The following B4GALT1 variants were observed in gnomAD, a reference collection of about 807,000 sequenced individuals.
The protein encoded by B4GALT1 is beta-1,4-galactosyltransferase 1.
A neutral mutation model predicts 34.9 loss-of-function variants in B4GALT1; 16 were observed. The observed-to-expected ratio is 0.46, with a 90% CI of 0.31 to 0.70. B4GALT1 has a LOEUF of 0.70. Among genes scored for constraint, B4GALT1 ranks in the 30% least tolerant of loss-of-function variants. B4GALT1 has a pLI of 0.05. For missense variants in B4GALT1, 445 were observed against 530.5 expected (o/e 0.84, Z 1.58); for synonymous variants, 221 against 218.1 (o/e 1.01, Z -0.12).
chr9:33,124,010 G>A (rs1840058815), intron 2 of B4GALT1, among the ~76,000 whole-genome samples: 2 of 152,180 alleles, frequency 1.3e-5, no homozygotes, highest in African/African-American at 4.8e-5. Context: ...GCAGTGAGAC[G>A]GAAGGGCATG....
At position 33,143,059 on chromosome 9, in the gene B4GALT1, C is replaced by T. The variant is rs934019633; in HGVS notation, c.413-7635G>A. Among the ~76,000 whole-genome samples the T allele has an allele frequency of 2.4e-4, 36 of 152,252 alleles. 1 individual carries two copies. The highest frequency in any genetic ancestry group is 8.2e-4 in the African/African-American group (34 of 41,544). ...ACCTGGGAGGCTGAGGCAGGAGAAT[C>T]GCTGGAACCTGGGAAGTGGAGGCTG... On this transcript the variant is annotated intron_variant, in intron 1 of 5. Transcript: ENST00000379731.
At chr9:33,148,124 G>A (rs965484707) in intron 1 of B4GALT1, among the ~76,000 whole-genome samples, 1 of 152,120 alleles carries the variant, frequency 6.6e-6, no homozygotes, top group African/African-American at 2.4e-5. Context: ...TATCTAGGAT[G>A]TATAAGGAAT....
chr9:33,145,839 CA>C (rs1283528019), intron 1 of B4GALT1, among the ~76,000 whole-genome samples: 6 of 152,212 alleles, frequency 3.9e-5, no homozygotes, highest in Admixed American at 1.3e-4. Context: ...ATTTAGGGGC[CA>C]GGGGGGCCTT....
At position 33,118,677 on chromosome 9, in the gene B4GALT1, T is replaced by C. The variant is rs373997114; in HGVS notation, c.836+1742A>G. ...AAGCAAGACTCTGTCTCAAAAAAAA[T>C]AAAAGAAAAAGAAAAAAAGTTGTAT... On this transcript the variant is annotated intron_variant, in intron 3 of 5. Transcript: ENST00000379731. Among the ~76,000 whole-genome samples the C allele has an allele frequency of 6.0e-5, 9 of 150,656 alleles. No homozygotes were observed. The South Asian group carries it at 8.4e-4, about 14-fold the overall frequency.
At position 33,161,031 on chromosome 9, in the gene B4GALT1, C is replaced by T. The variant is rs187713084; in HGVS notation, c.412+5727G>A. The stretch of plus-strand genomic sequence containing the variant: ...CTGTGAGGCAAGTCATTCTCTCTCT[C>T]TCTCTCTCTCTCTCTGCCTGGGCTT... On this transcript the variant is annotated intron_variant, in intron 1 of 5. Transcript: ENST00000379731. Among the ~76,000 whole-genome samples the T allele has an allele frequency of 2.2e-4, 34 of 151,850 alleles. No homozygotes were observed. The East Asian group carries it at 6.0e-3, about 27-fold the overall frequency.
At position 33,157,101 on chromosome 9, in the gene B4GALT1, CGGTGTCCAGCATAGGGAACT is replaced by C. The variant is rs139805236; in HGVS notation, c.412+9637_412+9656del. Among the ~76,000 whole-genome samples, 500 of 115,112 alleles carry C rather than the reference CGGTGTCCAGCATAGGGAACT, an allele frequency of 4.3e-3. 40 individuals carry two copies. Among genetic ancestry groups the C allele is most frequent in the East Asian group, 0.016 (57 of 3,634 alleles). The allele number at this position is 115,112 out of a possible 152,430, so 75.5% of individuals were successfully genotyped here. A position where few individuals can be genotyped will look rare whatever the true frequency, so the allele number is the denominator to read the frequency against. On this transcript the variant is annotated intron_variant, in intron 1 of 5. Coordinates refer to ENST00000379731, the MANE Select transcript of B4GALT1 (RefSeq NM_001497.4). ...ACACACACACACACACACACACACA[CGGTGTCCAGCATAGGGAACT>C]ACACACACACACACACACACACACA...
chr9:33,173,619 T>C, the B4GALT1 span, among the ~76,000 whole-genome samples: 1 of 151,624 alleles, frequency 6.6e-6, no homozygotes, highest in South Asian at 2.1e-4. Context: ...TGTGTGTGTG[T>C]GTGTGTGTGT....
intron 1 of B4GALT1, among the ~76,000 whole-genome samples, chr9:33,157,420 C>T (rs1460812697): frequency 6.6e-6 from 1 of 152,112 alleles, no homozygotes. Context: ...TCTAGATTAT[C>T]GACGATAGTG....
At chr9:33,180,343 A>G in the B4GALT1 span, among the ~76,000 whole-genome samples, 3 of 152,198 alleles carry the variant, frequency 2.0e-5, no homozygotes, top group Non-Finnish European at 4.4e-5. Context: ...AAGCAACAGA[A>G]TAGAGCAGGA....
chr9:33,160,798 C>T lies in B4GALT1; in HGVS notation c.412+5960G>A, dbSNP rs1021857239. Among the ~76,000 whole-genome samples the T allele has an allele frequency of 5.9e-5, 9 of 152,074 alleles. 1 individual carries two copies. Among genetic ancestry groups the T allele is most frequent in the Admixed American group, 5.2e-4 (8 of 15,270 alleles). On this transcript the variant is annotated intron_variant, in intron 1 of 5. Coordinates refer to ENST00000379731, the MANE Select transcript of B4GALT1 (RefSeq NM_001497.4). ...GAAAAAAAAATATATCAGCTATATTCTTAAACATGAAAAAGACTAGTAGGA... is the reference window on the plus strand; with the variant it reads ...GAAAAAAAAATATATCAGCTATATTTTTAAACATGAAAAAGACTAGTAGGA...
downstream of B4GALT1, among the ~76,000 whole-genome samples, chr9:33,107,195 G>A (rs1839803688): frequency 3.9e-5 from 6 of 152,186 alleles, no homozygotes; most frequent in Admixed American, 3.3e-4. Context: ...CCTGCCTGGG[G>A]ACACTGCCAA....
chr9:33,104,552 T>C (rs1401927458), exon 3 of B4GALT1: 8 of 344,912 alleles, frequency 2.3e-5, no homozygotes, highest in African/African-American at 4.3e-5. Context: ...CGAGAACAGG[T>C]AGCCGCTGAA....
chr9:33,104,939 C>G (rs1839784550), intron 2 of B4GALT1, among the ~76,000 whole-genome samples: 1 of 151,874 alleles, frequency 6.6e-6, no homozygotes, highest in African/African-American at 2.4e-5. Context: ...CCTGCCTCAG[C>G]CTCCTGAGTG....
chr9:33,127,045 T>TA (rs1424658083), intron 2 of B4GALT1, among the ~76,000 whole-genome samples: 1 of 152,158 alleles, frequency 6.6e-6, no homozygotes, highest in Non-Finnish European at 1.5e-5. Context: ...CACTGCAAGC[T>TA]CCGCCTCCCG....
exon 3 of B4GALT1, chr9:33,104,646 C>T (rs1233560357): frequency 2.3e-6 from 1 of 430,862 alleles, no homozygotes; most frequent in East Asian, 7.1e-5. Flanking sequence ...CCTCAGGTGG[C>T]ACAGCCCACA....
intron 2 of B4GALT1, 127 bp from the exon 3 acceptor site, chr9:33,120,733 T>C: frequency 1.1e-6 from 1 of 923,906 alleles, no homozygotes; most frequent in Non-Finnish European, 1.7e-6. Context: ...TTTTCTGCCG[T>C]CACTCTACAA....
chr9:33,178,719 C>T, the B4GALT1 span, among the ~76,000 whole-genome samples: 118 of 152,360 alleles, frequency 7.7e-4, no homozygotes, highest in African/African-American at 2.8e-3. Context: ...GTGCTGCTTT[C>T]TCAGATCCTA....
chr9:33,180,248 C>T, the B4GALT1 span, among the ~76,000 whole-genome samples: 1 of 152,120 alleles, frequency 6.6e-6, no homozygotes, highest in African/African-American at 2.4e-5. Context: ...CCTTCCCTGT[C>T]CCGATTATTC....
intron 2 of B4GALT1, among the ~76,000 whole-genome samples, chr9:33,105,370 A>G (rs1371237616): frequency 6.6e-6 from 1 of 151,514 alleles, no homozygotes; most frequent in Non-Finnish European, 1.5e-5. Flanking sequence ...AGAACTCCCA[A>G]CCTCAGGTGA....
Sources: allele counts gnomAD v4.1 joint callset (sites outside exome capture counted in the v4.1 genomes callset), GRCh38; gene constraint gnomAD v4.1.1; transcripts MANE v1.5; gene names NCBI Gene and HGNC (gene_info 2026-07-23, HGNC 2026-07-21).